Variants in NCAM2 observed in about 807,000 individuals in gnomAD.
NCAM2 encodes neural cell adhesion molecule 2.
In NCAM2, 30 loss-of-function variants were observed where a neutral mutation model predicts 98.1. That is an observed-to-expected ratio of 0.31 (90% CI 0.23 to 0.41). The LOEUF is 0.41. Ranked by LOEUF, NCAM2 falls within the 10% of genes least tolerant of loss-of-function variation. NCAM2 has a pLI of 1.00. For missense variants in NCAM2, 867 were observed against 1,005.8 expected, an observed-to-expected ratio of 0.86 and a Z score of 1.87; for synonymous variants, 368 against 342.4, an observed-to-expected ratio of 1.07 and a Z score of -0.83.
At chr21:21,297,041 A>C (rs2073513272) in intron 5 of NCAM2, among the ~76,000 whole-genome samples, 1 of 151,830 alleles carries the variant, frequency 6.6e-6, no homozygotes, top group Admixed American at 6.6e-5. Context: ...AAAAAAGTTA[A>C]AGACCTGCTA....
chr21:21,090,723 T>C (rs1275814665), intron 1 of NCAM2, among the ~76,000 whole-genome samples: 1 of 152,148 alleles, frequency 6.6e-6, no homozygotes, highest in Admixed American at 6.5e-5. Flanking sequence ...AGCACCTCAC[T>C]TAGTTGTTCT....
At chr21:21,233,252 G>A (rs932554754) in intron 1 of NCAM2, among the ~76,000 whole-genome samples, 3 of 151,334 alleles carry the variant, frequency 2.0e-5, no homozygotes, top group Non-Finnish European at 4.4e-5. Context: ...TGACTTTTTT[G>A]CCTTGGAAAC....
chr21:21,223,139 T>C (rs1278589949), intron 1 of NCAM2, among the ~76,000 whole-genome samples: 1 of 152,214 alleles, frequency 6.6e-6, no homozygotes, highest in East Asian at 1.9e-4. Flanking sequence ...TTAGTCCTCT[T>C]ACTATTTACT....
At chr21:21,259,347 A>G (rs2071802742) in intron 1 of NCAM2, among the ~76,000 whole-genome samples, 1 of 152,176 alleles carries the variant, frequency 6.6e-6, no homozygotes, top group South Asian at 2.1e-4. Context: ...ACCAAAGCAC[A>G]AAAACCGTAT....
intron 15 of NCAM2, among the ~76,000 whole-genome samples, chr21:21,492,113 G>C (rs1209806085): frequency 6.6e-6 from 1 of 151,592 alleles, no homozygotes; most frequent in Non-Finnish European, 1.5e-5. Context: ...AAAATCTGAA[G>C]CTATTATAAC....
At chr21:21,522,103 AATAT>A (rs1471767924) in intron 16 of NCAM2, among the ~76,000 whole-genome samples, 1 of 148,070 alleles carries the variant, frequency 6.8e-6, no homozygotes, top group Non-Finnish European at 1.5e-5. Flanking sequence ...CATGAATAAG[AATAT>A]ATATGAATAC....
At chr21:21,068,793 CG>C (rs1568988346) in intron 1 of NCAM2, among the ~76,000 whole-genome samples, 2 of 152,104 alleles carry the variant, frequency 1.3e-5, no homozygotes, top group African/African-American at 4.8e-5. Flanking sequence ...ATCTGCGTAA[CG>C]GGTGCTACAC....
intron 1 of NCAM2, among the ~76,000 whole-genome samples, chr21:21,141,929 A>G (rs75499268): frequency 0.019 from 2,864 of 152,298 alleles, 96 homozygotes; most frequent in African/African-American, 0.065. Context: ...CAGACATTTT[A>G]GAAAGCAGAG....
chr21:21,043,808 C>T (rs1167701921), intron 1 of NCAM2, among the ~76,000 whole-genome samples: 4 of 139,748 alleles, frequency 2.9e-5, no homozygotes, highest in African/African-American at 1.1e-4. Context: ...GAGCCGAGTT[C>T]GTGCCACTGC....
chr21:21,082,220 T>A (rs1413087376), intron 1 of NCAM2, among the ~76,000 whole-genome samples: 1 of 100,344 alleles, frequency 1.0e-5, no homozygotes, highest in Non-Finnish European at 1.7e-5. Flanking sequence ...AGAGTGAGAA[T>A]CCTTTAAAAA....
At chr21:21,199,844 G>A (rs530866208) in intron 1 of NCAM2, among the ~76,000 whole-genome samples, 5 of 151,966 alleles carry the variant, frequency 3.3e-5, no homozygotes, top group Admixed American at 6.6e-5. Flanking sequence ...GTCACATCTC[G>A]TGTCTTCTGT....
chr21:21,142,981 A>G (rs1358398720), intron 1 of NCAM2, among the ~76,000 whole-genome samples: 1 of 152,212 alleles, frequency 6.6e-6, no homozygotes, highest in African/African-American at 2.4e-5. Flanking sequence ...GAATGTCACA[A>G]TTATTAGCCC....
chr21:21,462,732 A>T (rs9978458), intron 12 of NCAM2, among the ~76,000 whole-genome samples: 5 of 152,024 alleles, frequency 3.3e-5, no homozygotes, highest in Non-Finnish European at 5.9e-5. Context: ...AAATTCAGTT[A>T]TATATAAATG....
chr21:21,522,841 A>T (rs1989108108), intron 16 of NCAM2, among the ~76,000 whole-genome samples: 1 of 151,820 alleles, frequency 6.6e-6, no homozygotes, highest in African/African-American at 2.4e-5. Context: ...CATGCTGGCC[A>T]GGCGTGTCTG....
intron 1 of NCAM2, among the ~76,000 whole-genome samples, chr21:21,181,296 T>C (rs968535908): frequency 6.6e-6 from 1 of 152,162 alleles, no homozygotes; most frequent in African/African-American, 2.4e-5. Context: ...GTTTCCTCTG[T>C]AAATAGGTAG....
chr21:21,431,152 T>C (rs531896263), intron 11 of NCAM2, among the ~76,000 whole-genome samples: 1 of 148,954 alleles, frequency 6.7e-6, no homozygotes, highest in Non-Finnish European at 1.5e-5. Flanking sequence ...TGTGTATACA[T>C]ATATATATAT....
intron 1 of NCAM2, among the ~76,000 whole-genome samples, chr21:21,101,223 T>G (rs111801124): frequency 0.037 from 5,656 of 152,102 alleles, 136 homozygotes; most frequent in Non-Finnish European, 0.044. Flanking sequence ...GATATTAATA[T>G]GCAGAAATAA....
intron 9 of NCAM2, among the ~76,000 whole-genome samples, chr21:21,402,535 G>A (rs1370037964): frequency 2.6e-5 from 4 of 152,126 alleles, no homozygotes; most frequent in Admixed American, 2.6e-4. Context: ...CTTATCAGGA[G>A]TTTCTGATTT....
At chr21:21,283,244 A>G (rs1054215202) in intron 2 of NCAM2, among the ~76,000 whole-genome samples, 4 of 151,960 alleles carry the variant, frequency 2.6e-5, no homozygotes, top group Non-Finnish European at 5.9e-5. Flanking sequence ...ATTTCTTCGG[A>G]AAAATGAGAA....
Sources: allele counts gnomAD v4.1 joint callset (sites outside exome capture counted in the v4.1 genomes callset), GRCh38; gene constraint gnomAD v4.1.1; transcripts MANE v1.5; gene names NCBI Gene and HGNC (gene_info 2026-07-23, HGNC 2026-07-21).